Variants in NTRK1 observed in about 807,000 individuals in gnomAD.
The protein encoded by NTRK1 is neurotrophic receptor tyrosine kinase 1, also known as high affinity nerve growth factor receptor.
NTRK1 carries 62 observed loss-of-function variants against 86.8 expected under a neutral mutation model. That is an observed-to-expected ratio of 0.71 (90% CI 0.58 to 0.88). The LOEUF (loss-of-function observed/expected upper bound fraction) is 0.88. Among genes scored for constraint, NTRK1 ranks in the 40% least tolerant of loss-of-function variants. NTRK1 has a pLI of 0.00. For missense variants in NTRK1, 967 were observed against 1,078.4 expected, an observed-to-expected ratio of 0.90 and a Z score of 1.45; for synonymous variants, 469 against 456.6, an observed-to-expected ratio of 1.03 and a Z score of -0.35.
At chr1:156,844,037 C>G in intron 2 of NTRK1, 1 of 649,150 alleles carries the variant, frequency 1.5e-6, no homozygotes. Flanking sequence ...TATGTTTCCT[C>G]TGTGCCACCG....
At chr1:156,861,264 C>A in intron 1 of NTRK1, 118 bp downstream of exon 1, 2 of 1,217,982 alleles carry the variant, frequency 1.6e-6, no homozygotes, top group Non-Finnish European at 2.3e-6. Flanking sequence ...GGAAGGCTGG[C>A]ACCACGCAGC....
At chr1:156,844,929 G>C in intron 2 of NTRK1, 1 of 1,582,976 alleles carries the variant, frequency 6.3e-7, no homozygotes, top group Admixed American at 1.7e-5. Context: ...GCTGAGCTGG[G>C]AGGTGGGGAA....
Position 156,866,951 on chromosome 1 carries a change from CTG to C in NTRK1, c.404_405del (p.Val135AlafsTer37), listed in dbSNP as rs1655962790. 1 of 1,614,270 alleles carries C rather than the reference CTG, an allele frequency of 6.2e-7. No homozygotes were observed. The highest frequency in any genetic ancestry group is 2.2e-5 in the East Asian group (1 of 44,880). The stretch of plus-strand genomic sequence containing the variant: ...GCTCTGGAGTCTCTCTCCTGGAAAA[CTG>C]TGCAGGGCCTCTCCTTACAGGAACT... On this transcript the variant is annotated frameshift_variant, in exon 4 of 17. Coordinates refer to ENST00000524377, the MANE Select transcript of NTRK1 (RefSeq NM_002529.4). LOFTEE classifies it high-confidence loss of function.
chr1:156,876,293 T>C, intron 13 of NTRK1, 83 bp downstream of exon 13: 1 of 1,610,014 alleles, frequency 6.2e-7, no homozygotes, highest in Non-Finnish European at 8.5e-7. Flanking sequence ...TGGGGGGAGA[T>C]GCAGAGGGCT....
At chr1:156,853,899 C>G (rs750445285) in intron 2 of NTRK1, 9 of 1,614,026 alleles carry the variant, frequency 5.6e-6, no homozygotes, top group Non-Finnish European at 6.8e-6. Context: ...ATGTGGTTGG[C>G]GCCAGGTGCT....
intron 1 of NTRK1, among the ~76,000 whole-genome samples, chr1:156,817,939 GCCAGTGTTAATGT>G (rs1340782292): frequency 6.6e-6 from 1 of 152,128 alleles, no homozygotes; most frequent in Non-Finnish European, 1.5e-5. Flanking sequence ...CACTGCACTG[GCCAGTGTTAATGT>G]CTTAAACTTT....
intron 9 of NTRK1, 51 bp from the exon 10 acceptor site, chr1:156,874,520 G>C (rs2102909644): frequency 6.2e-7 from 1 of 1,611,578 alleles, no homozygotes; most frequent in East Asian, 2.2e-5. Flanking sequence ...GGGGTTACTG[G>C]AGGCTACAGT....
chr1:156,862,521 C>A (rs1204461549), intron 1 of NTRK1, among the ~76,000 whole-genome samples: 1 of 152,124 alleles, frequency 6.6e-6, no homozygotes, highest in African/African-American at 2.4e-5. Flanking sequence ...CAGGCCAGAA[C>A]TGGGGACTAG....
At chr1:156,833,185 G>C (rs1654509886) in intron 1 of NTRK1, among the ~76,000 whole-genome samples, 2 of 152,248 alleles carry the variant, frequency 1.3e-5, no homozygotes, top group South Asian at 4.1e-4. Context: ...CAAGTTATTT[G>C]ACTTCTGTAA....
intron 2 of NTRK1, 107 bp from the exon 3 acceptor site, chr1:156,864,621 G>A: frequency 1.6e-6 from 2 of 1,278,952 alleles, no homozygotes; most frequent in Middle Eastern, 1.8e-4. Flanking sequence ...GGCCTGAGGA[G>A]GGGTAGGGGT....
intron 2 of NTRK1, chr1:156,851,571 G>A (rs1325012989): frequency 6.2e-7 from 1 of 1,610,422 alleles, no homozygotes; most frequent in Non-Finnish European, 8.5e-7. Context: ...TGCTGAGTTG[G>A]GTCATTGTAA....
chr1:156,841,747 C>A (rs1176245983), intron 1 of NTRK1: 2 of 1,614,042 alleles, frequency 1.2e-6, no homozygotes, highest in Admixed American at 1.7e-5. Flanking sequence ...CCCTTCCCAC[C>A]CTTGCGGTAA....
At chr1:156,864,263 T>C (rs1571684979) in intron 1 of NTRK1, 91 bp from the exon 2 acceptor site, 1 of 1,211,606 alleles carries the variant, frequency 8.3e-7, no homozygotes, top group African/African-American at 1.5e-5. Flanking sequence ...GCATGTGGCA[T>C]GTGCATGTGT....
chr1:156,867,774 C>T (rs968630757), intron 4 of NTRK1, among the ~76,000 whole-genome samples: 34 of 151,986 alleles, frequency 2.2e-4, no homozygotes, highest in South Asian at 2.1e-4. Context: ...CCTGGGTTCA[C>T]GCCATTCTCC....
chr1:156,880,233 C>T (rs755169212), intron 16 of NTRK1, 76 bp downstream of exon 16: 168 of 1,521,352 alleles, frequency 1.1e-4, no homozygotes, highest in Non-Finnish European at 1.4e-4. Flanking sequence ...TCAGGGAACT[C>T]GGTTCCCCTT....
intron 1 of NTRK1, among the ~76,000 whole-genome samples, chr1:156,861,780 A>G (rs1655663725): frequency 6.6e-6 from 1 of 151,726 alleles, no homozygotes; most frequent in South Asian, 2.1e-4. Context: ...TCCCTCTCCA[A>G]CCTTGTCTCT....
rs1327722177 is a variant in NTRK1, at chr1:156,868,116, G to A, written c.441G>A (p.Gly147=). The change falls in exon 5 of 17, where the codon GGG becomes GGA. Residue 147 remains glycine (G), a synonymous_variant. Transcript: ENST00000524377. ...CCATGCCCCCCAGGGTCCTGTCGGG[G>A]AACCCTCTGCACTGTTCTTGTGCCC... The part of the protein sequence containing the change: ...GLSLQELVLS[G]NPLHCSCALR... 1 of 1,613,916 alleles carries A rather than the reference G, an allele frequency of 6.2e-7. No homozygotes were observed. Among genetic ancestry groups the A allele is most frequent in the Non-Finnish European group, 8.5e-7 (1 of 1,180,044 alleles).
intron 1 of NTRK1, among the ~76,000 whole-genome samples, chr1:156,823,242 G>A (rs1451075597): frequency 6.6e-6 from 1 of 152,164 alleles, no homozygotes; most frequent in Non-Finnish European, 1.5e-5. Context: ...GATCAGAGTG[G>A]ACACAGTACA....
At chr1:156,819,904 T>C (rs564727405) in intron 1 of NTRK1, among the ~76,000 whole-genome samples, 2 of 152,236 alleles carry the variant, frequency 1.3e-5, no homozygotes, top group Non-Finnish European at 1.5e-5. Flanking sequence ...GAGAATGTTT[T>C]CTCCCACTCT....
Sources: allele counts gnomAD v4.1 joint callset (sites outside exome capture counted in the v4.1 genomes callset), GRCh38; gene constraint gnomAD v4.1.1; transcripts MANE v1.5; gene names NCBI Gene and HGNC (gene_info 2026-07-23, HGNC 2026-07-21).